The following PTH1R variants were observed in gnomAD, a reference collection of about 807,000 sequenced individuals.
PTH1R encodes the protein parathyroid hormone/parathyroid hormone-related peptide receptor.
In PTH1R, 32 loss-of-function variants were observed where a neutral mutation model predicts 70.7. The observed-to-expected ratio is 0.45, with a 90% CI of 0.34 to 0.61. The LOEUF is 0.61. Ranked by LOEUF, PTH1R falls within the 20% of genes least tolerant of loss-of-function variation. PTH1R has a pLI of 0.01. For synonymous variants in PTH1R, 329 were observed against 324.8 expected, an observed-to-expected ratio of 1.01 and a Z score of -0.14; for missense variants, 626 against 792.5, an observed-to-expected ratio of 0.79 and a Z score of 2.52.
rs774308227 is a variant in PTH1R at position 46,898,137 on chromosome 3, C to A, written c.488C>A (p.Thr163Lys). 1 of 1,614,218 alleles carries A rather than the reference C, an allele frequency of 6.2e-7. No homozygotes were observed. The highest frequency in any genetic ancestry group is 2.2e-5 in the East Asian group (1 of 44,886). ...SWELVPGHNR[T>K]WANYSECVKF... ...GAGCTGGTGCCTGGGCACAACAGGACGTGGGCCAACTACAGCGAGTGTGTC... is the reference window on the plus strand; with the variant it reads ...GAGCTGGTGCCTGGGCACAACAGGAAGTGGGCCAACTACAGCGAGTGTGTC... Residue 163 changes from threonine to lysine, a missense_variant, in exon 7 of 16, where the codon ACG (threonine) becomes AAG (lysine). Transcript: ENST00000449590.
rs1324798435 is a variant in PTH1R at position 46,892,725 on chromosome 3, G to A, written c.76-1182G>A. Reference sequence around the variant, plus strand: ...CCTCTGGGTCCTCCCGCCCTTCACAGCCATGCTCGGACTGCAGGGCCCCGG... The same window carrying A: ...CCTCTGGGTCCTCCCGCCCTTCACAACCATGCTCGGACTGCAGGGCCCCGG... On this transcript the variant is annotated intron_variant, in intron 3 of 15. Coordinates refer to ENST00000449590, the MANE Select transcript of PTH1R (RefSeq NM_000316.3). The surrounding 1 kb of genome is among the most constrained non-coding windows in gnomAD (Gnocchi z 5.2). 2.2e-5 allele frequency: 22 copies of A among 985,390 alleles called. No homozygotes were observed. The highest frequency in any genetic ancestry group is 2.2e-5 in the Non-Finnish European group (18 of 829,818). 61.0% of individuals were successfully genotyped at this position (985,390 alleles called of 1,614,324 possible).
In PTH1R at chr3:46,882,644, G is replaced by T. The variant is rs2030683790; in HGVS notation, c.-48-868G>T. Among the ~76,000 whole-genome samples the T allele has an allele frequency of 1.3e-5, 2 of 151,624 alleles. No homozygotes were observed. Among genetic ancestry groups the T allele is most frequent in the South Asian group, 4.2e-4 (2 of 4,790 alleles). On this transcript the variant is annotated intron_variant, in intron 2 of 15. Coordinates refer to ENST00000449590, the MANE Select transcript of PTH1R (RefSeq NM_000316.3). This position sits in a 1 kb window ranked among gnomAD's most constrained non-coding sequence, Gnocchi z 4.3. ...GGCTCGGTGGCTTTTTTGGAAACTT[G>T]CAAATGTTTTCGTAGAGAGAAAAGG...
Position 46,901,760 on chromosome 3 carries a change from C to T in PTH1R, c.1117-6C>T, listed in dbSNP as rs770981617. 3.7e-6 allele frequency: 6 copies of T among 1,613,630 alleles called. No individual in the cohort carries two copies. In the Admixed American group the frequency reaches 1.0e-4, roughly 27 times the overall value. On this transcript the variant is annotated splice_polypyrimidine_tract_variant and splice_region_variant and intron_variant, in intron 12 of 15. Transcript: ENST00000449590. The surrounding 1 kb of genome is among the most constrained non-coding windows in gnomAD (Gnocchi z 7.3). ...GCCTCCAGACGCAGCCCCCTCACTC[C>T]CACAGCTCAACTTCATCCTCTTCAT...
Position 46,893,778 on chromosome 3 carries a change from G to C in PTH1R, c.76-129G>C. 4 of 843,652 alleles carry C rather than the reference G, an allele frequency of 4.7e-6. No homozygotes were observed. The highest frequency in any genetic ancestry group is 2.0e-5 in the Admixed American group (1 of 49,098). 52.3% of individuals were successfully genotyped at this position (843,652 alleles called of 1,614,324 possible). ...TAGAGCAGATTCCCCACATGCAGGG[G>C]AAATCCCACCTTCCCTCTAGAGTCA... On this transcript the variant is annotated intron_variant, in intron 3 of 15. Coordinates refer to ENST00000449590, the MANE Select transcript of PTH1R (RefSeq NM_000316.3). This position sits in a 1 kb window ranked among gnomAD's most constrained non-coding sequence, Gnocchi z 5.2.
rs1332639771 is a variant in PTH1R at position 46,901,017 on chromosome 3, G to A, written c.989-8G>A. On this transcript the variant is annotated splice_region_variant and splice_polypyrimidine_tract_variant and intron_variant, in intron 10 of 15. Coordinates refer to ENST00000449590, the MANE Select transcript of PTH1R (RefSeq NM_000316.3). This position sits in a 1 kb window ranked among gnomAD's most constrained non-coding sequence, Gnocchi z 7.3. Reference sequence around the variant, plus strand: ...AGTCCTGCACACTGTCCCCCTCTGTGCCCACAGGTCTGCCCGCTGTCTTCG... The same window carrying A: ...AGTCCTGCACACTGTCCCCCTCTGTACCCACAGGTCTGCCCGCTGTCTTCG... 6.3e-7 allele frequency: 1 copy of A among 1,580,112 alleles called. No individual in the cohort carries two copies. Among genetic ancestry groups the A allele is most frequent in the Non-Finnish European group, 8.6e-7 (1 of 1,161,520 alleles).
intron 4 of PTH1R, among the ~76,000 whole-genome samples, chr3:46,895,194 C>T (rs1056110440): frequency 6.6e-6 from 1 of 151,888 alleles, no homozygotes; most frequent in African/African-American, 2.4e-5. Flanking sequence ...GAACCACATA[C>T]TTGAGGATCC....
chr3:46,882,647 A>G lies in PTH1R; in HGVS notation c.-48-865A>G, dbSNP rs1268944654. Among the ~76,000 whole-genome samples the G allele has an allele frequency of 1.3e-5, 2 of 150,768 alleles. No individual in the cohort carries two copies. Among genetic ancestry groups the G allele is most frequent in the African/African-American group, 2.4e-5 (1 of 40,942 alleles). ...TCGGTGGCTTTTTTGGAAACTTGCA[A>G]ATGTTTTCGTAGAGAGAAAAGGGGG... On this transcript the variant is annotated intron_variant, in intron 2 of 15. Transcript: ENST00000449590. The surrounding 1 kb of genome is among the most constrained non-coding windows in gnomAD (Gnocchi z 4.3).
At position 46,896,337 on chromosome 3, in the gene PTH1R, G is replaced by A. The variant is rs2031755998; in HGVS notation, c.313+468G>A. ...TCAGTGTGTCAGAGGAGGTACATGG[G>A]GACACATAGTGGATAGGGCCACAGA... On this transcript the variant is annotated intron_variant, in intron 5 of 15. Transcript: ENST00000449590. This position sits in a 1 kb window ranked among gnomAD's most constrained non-coding sequence, Gnocchi z 4.1. 1.3e-5 allele frequency among the ~76,000 whole-genome samples: 2 copies of A among 152,100 alleles called. No individual in the cohort carries two copies. The highest frequency in any genetic ancestry group is 6.5e-5 in the Admixed American group (1 of 15,268).
rs996421197 is a variant in PTH1R, at chr3:46,879,692, A to G, written c.-105-1370A>G. Among the ~76,000 whole-genome samples the G allele has an allele frequency of 3.3e-5, 5 of 152,152 alleles. No individual in the cohort carries two copies. Among genetic ancestry groups the G allele is most frequent in the African/African-American group, 1.2e-4 (5 of 41,424 alleles). On this transcript the variant is annotated intron_variant, in intron 1 of 15. Transcript: ENST00000449590. This position sits in a 1 kb window ranked among gnomAD's most constrained non-coding sequence, Gnocchi z 4.7. ...AGCCCAGGAGGTCAAGGCTGCTGTG[A>G]GCCATGACCGTGCCACTGCACTCCA... is the stretch of plus-strand genomic sequence containing the variant.
rs1156703655 is a variant in PTH1R, at chr3:46,891,807, G to A, written c.76-2100G>A. On this transcript the variant is annotated intron_variant, in intron 3 of 15. Coordinates refer to ENST00000449590, the MANE Select transcript of PTH1R (RefSeq NM_000316.3). This position sits in a 1 kb window ranked among gnomAD's most constrained non-coding sequence, Gnocchi z 4.3. ...TTACAGTAGTGCTCATGGTGGTAAC[G>A]GTGATGCCAGTGGTGGTGGTGGTAG... Among the ~76,000 whole-genome samples, 2 of 152,104 alleles carry A rather than the reference G, an allele frequency of 1.3e-5. No individual in the cohort carries two copies. The highest frequency in any genetic ancestry group is 2.1e-4 in the South Asian group (1 of 4,820).
chr3:46,894,159 G>A, intron 4 of PTH1R, 150 bp downstream of exon 4: 1 of 748,200 alleles, frequency 1.3e-6, no homozygotes, highest in East Asian at 2.7e-5. Context: ...ACCAAAGTGG[G>A]GTGCGTGGTG....
At chr3:46,897,446 G>A (rs1420445381) in intron 5 of PTH1R, among the ~76,000 whole-genome samples, 1 of 152,160 alleles carries the variant, frequency 6.6e-6, no homozygotes, top group African/African-American at 2.4e-5. Flanking sequence ...AACAACCACT[G>A]ATGGGCCGGG....
Position 46,892,593 on chromosome 3 carries a change from A to T in PTH1R, c.76-1314A>T, listed in dbSNP as rs1482675441. The T allele has an allele frequency of 6.9e-6, 2 of 288,466 alleles. No individual in the cohort carries two copies. The highest frequency in any genetic ancestry group is 4.5e-5 in the African/African-American group (2 of 44,054). 17.9% of individuals were successfully genotyped at this position (288,466 alleles called of 1,614,324 possible). A position where few individuals can be genotyped will look rare whatever the true frequency, so the allele number is the denominator to read the frequency against. On this transcript the variant is annotated intron_variant, in intron 3 of 15. Transcript: ENST00000449590. This position sits in a 1 kb window ranked among gnomAD's most constrained non-coding sequence, Gnocchi z 5.2. ...AAGCCCTCGCTGCTGCCGCCAAGAG[A>T]CGCGGTCAATTAACTTCTCCCTGCA...
intron 3 of PTH1R, among the ~76,000 whole-genome samples, chr3:46,889,891 C>T (rs772581061): frequency 4.6e-5 from 7 of 152,098 alleles, no homozygotes; most frequent in African/African-American, 1.7e-4. Flanking sequence ...TGCACCCTGG[C>T]GCTGAGCCAA....
chr3:46,898,933 C>T lies in PTH1R; in HGVS notation c.834+76C>T, dbSNP rs750999125. The T allele has an allele frequency of 4.6e-6, 5 of 1,093,808 alleles. No individual in the cohort carries two copies. In the South Asian group the frequency reaches 5.5e-5, roughly 12 times the overall value. 67.8% of individuals were successfully genotyped at this position (1,093,808 alleles called of 1,614,324 possible). A position where few individuals can be genotyped will look rare whatever the true frequency, so the allele number is the denominator to read the frequency against. ...GGCCCCGCCCCGCCCCGCTCCAGCC[C>T]GGCCCTCGCCCTGCCCGCCTCCTGC... is the stretch of plus-strand genomic sequence containing the variant. On this transcript the variant is annotated intron_variant, in intron 9 of 15. Transcript: ENST00000449590.
At chr3:46,885,571 G>A (rs1272320565) in intron 3 of PTH1R, among the ~76,000 whole-genome samples, 7 of 152,222 alleles carry the variant, frequency 4.6e-5, no homozygotes. Flanking sequence ...CTCCAGGGAA[G>A]CTGAGATATA....
intron 2 of PTH1R, among the ~76,000 whole-genome samples, chr3:46,881,864 G>A (rs1325048747): frequency 6.6e-6 from 1 of 151,908 alleles, no homozygotes; most frequent in Non-Finnish European, 1.5e-5. Context: ...GGGGGTACCG[G>A]GCAGCCTCCT....
At chr3:46,900,462 C>G (rs1376508282) in intron 10 of PTH1R, among the ~76,000 whole-genome samples, 1 of 152,112 alleles carries the variant, frequency 6.6e-6, no homozygotes, top group Non-Finnish European at 1.5e-5. Flanking sequence ...GGCTCCCTTC[C>G]CAGAGGCACA....
rs1403781709 is a variant in PTH1R, at chr3:46,901,609, A to C, written c.1116+129A>C. On this transcript the variant is annotated intron_variant, in intron 12 of 15. Transcript: ENST00000449590. The surrounding 1 kb of genome is among the most constrained non-coding windows in gnomAD (Gnocchi z 7.3). ...GTGTCAGAGCTACAGAGGCCGGAGG[A>C]CCAGCTGATCCACACTCCAGCCCAG... The C allele has an allele frequency of 7.4e-7, 1 of 1,355,408 alleles. No individual in the cohort carries two copies. The highest frequency in any genetic ancestry group is 1.5e-5 in the African/African-American group (1 of 68,884). The allele number at this position is 1,355,408 out of a possible 1,614,324, so 84.0% of individuals were successfully genotyped here. A position where few individuals can be genotyped will look rare whatever the true frequency, so the allele number is the denominator to read the frequency against.
Sources: gnomAD v4.1 joint callset for allele counts (sites outside exome capture counted in the v4.1 genomes callset) on GRCh38, gnomAD v4.1.1 for gene constraint, Gnocchi (gnomAD v3.1) non-coding constraint, MANE v1.5 for transcripts, NCBI Gene and HGNC (gene_info 2026-07-23, HGNC 2026-07-21) for gene names.